Variants in NCBP1 observed in about 807,000 individuals in gnomAD.
The protein encoded by NCBP1 is nuclear cap-binding protein subunit 1.
In NCBP1, 16 loss-of-function variants were observed where a neutral mutation model predicts 111.7. That is an observed-to-expected ratio of 0.14 (90% CI 0.10 to 0.22). The LOEUF (loss-of-function observed/expected upper bound fraction) is 0.22, where lower values mean the gene tolerates loss of function less well. Ranked by LOEUF, NCBP1 falls within the 10% of genes least tolerant of loss-of-function variation. NCBP1 has a pLI of 1.00. For missense variants in NCBP1, 607 were observed against 957.5 expected, an observed-to-expected ratio of 0.63 and a Z score of 4.83; for synonymous variants, 304 against 314.3, an observed-to-expected ratio of 0.97 and a Z score of 0.35.
At chr9:97,655,315 A>G (rs1411001390) in intron 12 of NCBP1, among the ~76,000 whole-genome samples, 1 of 152,172 alleles carries the variant, frequency 6.6e-6, no homozygotes, top group South Asian at 2.1e-4. Flanking sequence ...GGCTCAAGCA[A>G]TCCTCCTGCC....
Position 97,643,185 on chromosome 9 carries a change from T to C in NCBP1, c.225-19T>C, listed in dbSNP as rs1199906234. The C allele has an allele frequency of 3.8e-6, 6 of 1,564,836 alleles. No homozygotes were observed. Among genetic ancestry groups the C allele is most frequent in the Non-Finnish European group, 5.1e-6 (6 of 1,165,218 alleles). ...CCATTGTTTTGGGGTTTTCTTGTTA[T>C]ACTGGGTTCTTAAATCAGTGCACGC... On this transcript the variant is annotated intron_variant, in intron 3 of 22. Coordinates refer to ENST00000375147, the MANE Select transcript of NCBP1 (RefSeq NM_002486.5).
At position 97,673,270 on chromosome 9, in the gene NCBP1, T is replaced by C. The variant is rs1229295989; in HGVS notation, c.*2071T>C. On this transcript the variant is annotated 3_prime_UTR_variant, in exon 23 of 23. Transcript: ENST00000375147. The stretch of plus-strand genomic sequence containing the variant: ...TGCAAATTTTTTACTGTGCGGGGTG[T>C]CAGCATCCCTAACCCCATGTTGTTC... 6.6e-6 allele frequency: 1 copy of C among 152,186 alleles called. No homozygotes were observed. The highest frequency in any genetic ancestry group is 1.5e-5 in the Non-Finnish European group (1 of 68,054). 9.4% of individuals were successfully genotyped at this position (152,186 alleles called of 1,614,324 possible). A position where few individuals can be genotyped will look rare whatever the true frequency, so the allele number is the denominator to read the frequency against.
At chr9:97,671,053 C>A in intron 22 of NCBP1, 33 bp from the exon 23 acceptor site, 1 of 1,434,828 alleles carries the variant, frequency 7.0e-7, no homozygotes, top group Non-Finnish European at 9.8e-7. Flanking sequence ...ATGCTTTTTC[C>A]TGACCTAACT....
At chr9:97,668,746 C>A in intron 20 of NCBP1, 100 bp from the exon 21 acceptor site, 1 of 1,336,680 alleles carries the variant, frequency 7.5e-7, no homozygotes, top group Non-Finnish European at 1.0e-6. Flanking sequence ...GAATATAAGT[C>A]TTAACATTTG....
intron 1 of NCBP1, among the ~76,000 whole-genome samples, chr9:97,636,481 A>G (rs1301692990): frequency 6.9e-6 from 1 of 145,642 alleles, no homozygotes; most frequent in African/African-American, 2.5e-5. Flanking sequence ...ATATATATTT[A>G]TATATTATAT....
chr9:97,670,649 T>C (rs546346570), intron 22 of NCBP1, among the ~76,000 whole-genome samples: 1 of 152,244 alleles, frequency 6.6e-6, no homozygotes, highest in African/African-American at 2.4e-5. Flanking sequence ...AGAGTATTCA[T>C]GGCTTATAGA....
chr9:97,640,735 A>G (rs1000074849), intron 1 of NCBP1, 59 bp from the exon 2 acceptor site: 2 of 1,364,324 alleles, frequency 1.5e-6, no homozygotes, highest in South Asian at 1.3e-5. Context: ...AAAAGGTTAA[A>G]TAAAATTTGT....
rs73498322 is a variant in NCBP1, at chr9:97,639,179, C to G, written c.35-1615C>G. 2.0e-4 allele frequency among the ~76,000 whole-genome samples: 31 copies of G among 152,180 alleles called. 1 individual carries two copies. Among genetic ancestry groups the G allele is most frequent in the Middle Eastern group, 3.4e-3 (1 of 294 alleles). ...TGCATGCGTATTATACTTTTTGTGG[C>G]ATTATCCTTTCAAAATTATAGTCAG... On this transcript the variant is annotated intron_variant, in intron 1 of 22. Coordinates refer to ENST00000375147, the MANE Select transcript of NCBP1 (RefSeq NM_002486.5).
At chr9:97,662,247 A>C in intron 17 of NCBP1, 103 bp downstream of exon 17, 1 of 813,088 alleles carries the variant, frequency 1.2e-6, no homozygotes, top group East Asian at 2.7e-5. Flanking sequence ...TGAAGATCTT[A>C]ATAGTGTATA....
chr9:97,649,944 A>G (rs1237083207), intron 8 of NCBP1, among the ~76,000 whole-genome samples: 1 of 152,188 alleles, frequency 6.6e-6, no homozygotes, highest in Non-Finnish European at 1.5e-5. Context: ...AAAAAACATT[A>G]GAAATTGTAA....
rs149445159 is a variant in NCBP1, at chr9:97,667,278, C to T, written c.2016+401C>T. Among the ~76,000 whole-genome samples, 265 of 152,128 alleles carry T rather than the reference C, an allele frequency of 1.7e-3. 1 individual carries two copies. Among genetic ancestry groups the T allele is most frequent in the African/African-American group, 6.2e-3 (257 of 41,506 alleles). ...TGAGGAGGAATGGGGCAGTCATTCCCAAGTTAACGGAATACTTCTCATAGT... is the reference window on the plus strand; with the variant it reads ...TGAGGAGGAATGGGGCAGTCATTCCTAAGTTAACGGAATACTTCTCATAGT... On this transcript the variant is annotated intron_variant, in intron 20 of 22. Coordinates refer to ENST00000375147, the MANE Select transcript of NCBP1 (RefSeq NM_002486.5).
intron 15 of NCBP1, 97 bp downstream of exon 15, chr9:97,658,840 T>A: frequency 2.2e-6 from 2 of 925,548 alleles, no homozygotes; most frequent in South Asian, 2.8e-5. Context: ...CTTTTTCTTT[T>A]CTTGGGGTTT....
At chr9:97,650,700 C>T (rs1827474478) in intron 9 of NCBP1, 100 bp downstream of exon 9, 2 of 873,400 alleles carry the variant, frequency 2.3e-6, no homozygotes, top group East Asian at 2.5e-5. Context: ...AAAATTTTAT[C>T]CTCCTGACTC....
At chr9:97,642,994 CTT>C (rs1171947472) in intron 3 of NCBP1, among the ~76,000 whole-genome samples, 1 of 152,088 alleles carries the variant, frequency 6.6e-6, no homozygotes, top group Admixed American at 6.6e-5. Flanking sequence ...TTTCTTAACT[CTT>C]AGATTAACTG....
chr9:97,648,904 G>A (rs1827423410), intron 8 of NCBP1, among the ~76,000 whole-genome samples: 1 of 152,062 alleles, frequency 6.6e-6, no homozygotes, highest in Non-Finnish European at 1.5e-5. Flanking sequence ...ATTTCGCCAT[G>A]TTGCCCTGGT....
At chr9:97,669,737 A>G in intron 22 of NCBP1, 31 bp downstream of exon 22, 3 of 1,395,720 alleles carry the variant, frequency 2.1e-6, no homozygotes, top group Non-Finnish European at 3.1e-6. Context: ...AGGTAATAAC[A>G]CTATTCTCAG....
intron 5 of NCBP1, 149 bp from the exon 6 acceptor site, chr9:97,645,462 C>G (rs1425053607): frequency 8.1e-6 from 7 of 863,754 alleles, no homozygotes; most frequent in Non-Finnish European, 1.2e-5. Flanking sequence ...AAGATTAGAA[C>G]TAATATATCT....
In NCBP1 at chr9:97,669,593, C is replaced by T. The variant is rs1426838162; in HGVS notation, c.2146C>T (p.Arg716Trp). Residue 716 changes from arginine to tryptophan, a missense_variant and splice_region_variant, in exon 22 of 23, where the codon CGG becomes TGG. Coordinates refer to ENST00000375147, the MANE Select transcript of NCBP1 (RefSeq NM_002486.5). The part of the protein sequence containing the change: ...QKNLFLVIFQ[R>W]FIMILTEHLV... ...ACCTTAACTTCTTCTCCCTTTCCAGCGGTTTATCATGATCTTGACCGAGCA... is the reference window on the plus strand; with the variant it reads ...ACCTTAACTTCTTCTCCCTTTCCAGTGGTTTATCATGATCTTGACCGAGCA... 12 of 1,594,760 alleles carry T rather than the reference C, an allele frequency of 7.5e-6. No individual in the cohort carries two copies. The highest frequency in any genetic ancestry group is 1.1e-5 in the South Asian group (1 of 90,680).
chr9:97,651,089 T>G (rs932956729), intron 9 of NCBP1, among the ~76,000 whole-genome samples: 1 of 152,216 alleles, frequency 6.6e-6, no homozygotes, highest in Non-Finnish European at 1.5e-5. Context: ...TATTATTACC[T>G]AGACTCCTTT....
Sources: gnomAD v4.1 joint callset for allele counts (sites outside exome capture counted in the v4.1 genomes callset) on GRCh38, gnomAD v4.1.1 for gene constraint, MANE v1.5 for transcripts, NCBI Gene and HGNC (gene_info 2026-07-23, HGNC 2026-07-21) for gene names.